The following ADGRV1 variants were observed in gnomAD, a reference collection of about 807,000 sequenced individuals.
ADGRV1 encodes the protein adhesion G protein-coupled receptor V1.
ADGRV1 carries 359 observed loss-of-function variants against 596.2 expected under a neutral mutation model. That is an observed-to-expected ratio of 0.60 (90% CI 0.55 to 0.66). The LOEUF is 0.66. ADGRV1 is among the 30% of genes least tolerant of loss of function. The probability of loss-of-function intolerance (pLI) is 0.00; values close to 1 mark genes in which losing one functional copy is unlikely to be tolerated. For missense variants in ADGRV1, 7,274 were observed against 7,575.6 expected (o/e 0.96, Z 1.48); for synonymous variants, 2,681 against 2,679.2 (o/e 1.00, Z -0.02).
At chr5:90,920,731 A>G (rs1581514644) in intron 83 of ADGRV1, among the ~76,000 whole-genome samples, 2 of 152,318 alleles carry the variant, frequency 1.3e-5, no homozygotes, top group African/African-American at 2.4e-5. Flanking sequence ...AGTGAATAGC[A>G]CAACAAAAAT....
intron 88 of ADGRV1, 35 bp downstream of exon 88, chr5:91,150,256 T>A: frequency 7.0e-7 from 1 of 1,422,316 alleles, no homozygotes; most frequent in Admixed American, 2.5e-5. Flanking sequence ...TCTGTCTCTC[T>A]GTCTCTGTCT....
At chr5:90,951,040 TA>T (rs1407842854) in intron 83 of ADGRV1, among the ~76,000 whole-genome samples, 1 of 152,142 alleles carries the variant, frequency 6.6e-6, no homozygotes, top group Non-Finnish European at 1.5e-5. Context: ...GGTGAAAACA[TA>T]AAAACAATAG....
At chr5:91,108,424 T>G (rs1792077640) in intron 87 of ADGRV1, among the ~76,000 whole-genome samples, 1 of 152,116 alleles carries the variant, frequency 6.6e-6, no homozygotes, top group Non-Finnish European at 1.5e-5. Context: ...ATTACTGACT[T>G]ACTTTTTATC....
Position 91,135,134 on chromosome 5 carries a change from G to A in ADGRV1, c.18433-14896G>A, listed in dbSNP as rs994546506. Among the ~76,000 whole-genome samples the A allele has an allele frequency of 6.7e-5, 10 of 148,936 alleles. No individual in the cohort carries two copies. The South Asian group carries it at 1.5e-3, about 22-fold the overall frequency. On this transcript the variant is annotated intron_variant, in intron 87 of 89. Coordinates refer to ENST00000405460, the MANE Select transcript of ADGRV1 (RefSeq NM_032119.4). ...GGAGAGGTTGCAGTGAACCAAGATC[G>A]TGCCACTGCACTCCAGCCTGGGAGA...
rs147283194 is a variant in ADGRV1, at chr5:91,013,097, A to G, written c.18152+27575A>G. ...GGCTATATAGTATTCCATGGTGTAT[A>G]TGTATCACATTTTCTTTATCCAATC... On this transcript the variant is annotated intron_variant, in intron 85 of 89. Coordinates refer to ENST00000405460, the MANE Select transcript of ADGRV1 (RefSeq NM_032119.4). Among the ~76,000 whole-genome samples, 378 of 152,184 alleles carry G rather than the reference A, an allele frequency of 2.5e-3. 1 individual carries two copies. The highest frequency in any genetic ancestry group is 0.01 in the Middle Eastern group (3 of 294).
chr5:90,685,753 G>C, intron 28 of ADGRV1, 27 bp from the exon 29 acceptor site: 1 of 1,563,962 alleles, frequency 6.4e-7, no homozygotes, highest in Non-Finnish European at 8.7e-7. Flanking sequence ...AGCTTTCTGT[G>C]TTCTGTGTGG....
At chr5:91,126,097 G>A (rs1223623770) in intron 87 of ADGRV1, among the ~76,000 whole-genome samples, 1 of 152,252 alleles carries the variant, frequency 6.6e-6, no homozygotes, top group Non-Finnish European at 1.5e-5. Flanking sequence ...ATTGCCTGGG[G>A]CAGTTCCCTA....
rs537559392 is a variant in ADGRV1 at position 91,157,461 on chromosome 5, T to A, written c.18802+4063T>A. 4.0e-3 allele frequency among the ~76,000 whole-genome samples: 603 copies of A among 152,254 alleles called. 2 individuals carry two copies. Among genetic ancestry groups the A allele is most frequent in the African/African-American group, 0.014 (578 of 41,560 alleles). On this transcript the variant is annotated intron_variant, in intron 89 of 89. Coordinates refer to ENST00000405460, the MANE Select transcript of ADGRV1 (RefSeq NM_032119.4). The stretch of plus-strand genomic sequence containing the variant: ...TTAAATATGTGAACAGGCTTTTTTT[T>A]ATAATTGGAAATTTGACATCACTTT...
chr5:90,624,487 C>G (rs1442181898), intron 5 of ADGRV1, among the ~76,000 whole-genome samples: 2 of 152,058 alleles, frequency 1.3e-5, no homozygotes, highest in Non-Finnish European at 2.9e-5. Context: ...TTGCCATATA[C>G]TGTTGTAAGT....
Position 90,754,990 on chromosome 5 carries a change from C to T in ADGRV1, c.11385C>T (p.Thr3795=), listed in dbSNP as rs535263649. Residue 3795 remains threonine, a synonymous_variant, in exon 55 of 90, where the codon ACC becomes ACT. Transcript: ENST00000405460. Reference sequence around the variant, plus strand: ...GGCATGTTTCTCTCACAGAAAACACCACCACTCTTCAGTTACAAATAGCTC... The same window carrying T: ...GGCATGTTTCTCTCACAGAAAACACTACCACTCTTCAGTTACAAATAGCTC... ...FIRVAEPKEN[T]TTLQLQIARD... The T allele has an allele frequency of 1.9e-6, 3 of 1,610,628 alleles. No individual in the cohort carries two copies. The African/African-American group carries it at 4.0e-5, about 22-fold the overall frequency.
At chr5:90,701,048 T>G (rs1435915991) in intron 34 of ADGRV1, among the ~76,000 whole-genome samples, 2 of 152,120 alleles carry the variant, frequency 1.3e-5, no homozygotes, top group East Asian at 3.9e-4. Flanking sequence ...CTAGACACCA[T>G]GTAACAGATC....
chr5:90,739,740 G>T (rs1753719517), intron 50 of ADGRV1, among the ~76,000 whole-genome samples: 1 of 152,206 alleles, frequency 6.6e-6, no homozygotes. Flanking sequence ...CACCTACTTG[G>T]CTGGGAGGCT....
At chr5:90,844,617 A>G (rs1457167865) in intron 78 of ADGRV1, among the ~76,000 whole-genome samples, 1 of 152,224 alleles carries the variant, frequency 6.6e-6, no homozygotes, top group African/African-American at 2.4e-5. Context: ...CTGATATGCT[A>G]ACTTTCAATT....
intron 5 of ADGRV1, among the ~76,000 whole-genome samples, chr5:90,624,054 A>G (rs775516971): frequency 1.3e-5 from 2 of 152,198 alleles, no homozygotes; most frequent in Non-Finnish European, 2.9e-5. Context: ...TGTAATATCA[A>G]TAAAATGGAA....
At chr5:90,612,061 A>G (rs1206142831) in intron 1 of ADGRV1, among the ~76,000 whole-genome samples, 1 of 152,042 alleles carries the variant, frequency 6.6e-6, no homozygotes, top group East Asian at 1.9e-4. Flanking sequence ...ATTTCCAATC[A>G]TGCCTGTGTG....
At chr5:90,659,688 A>G (rs1769954932) in intron 21 of ADGRV1, among the ~76,000 whole-genome samples, 1 of 151,986 alleles carries the variant, frequency 6.6e-6, no homozygotes, top group Admixed American at 6.5e-5. Context: ...TTTCTGTTAC[A>G]CACATGTATA....
intron 83 of ADGRV1, among the ~76,000 whole-genome samples, chr5:90,869,470 T>C (rs1156670389): frequency 6.6e-6 from 1 of 152,006 alleles, no homozygotes; most frequent in Non-Finnish European, 1.5e-5. Context: ...GATCTGGCAA[T>C]GAAGGATTAA....
intron 21 of ADGRV1, among the ~76,000 whole-genome samples, chr5:90,663,013 G>T (rs1359003903): frequency 6.7e-6 from 1 of 148,916 alleles, no homozygotes; most frequent in Non-Finnish European, 1.5e-5. Flanking sequence ...GTCTATCATT[G>T]TTGGACATTT....
Position 91,150,237 on chromosome 5 carries a change from C to G in ADGRV1, c.18624+16C>G. 1 of 1,498,312 alleles carries G rather than the reference C, an allele frequency of 6.7e-7. No homozygotes were observed. The highest frequency in any genetic ancestry group is 8.9e-7 in the Non-Finnish European group (1 of 1,120,260). The allele number at this position is 1,498,312 out of a possible 1,614,324, so 92.8% of individuals were successfully genotyped here. ...TATGGAGGAGGTGTCTGCCCTTGCCCTTTCATTCTCTGTCTCTCTGTCTCT... is the reference window on the plus strand; with the variant it reads ...TATGGAGGAGGTGTCTGCCCTTGCCGTTTCATTCTCTGTCTCTCTGTCTCT... On this transcript the variant is annotated intron_variant, in intron 88 of 89. Transcript: ENST00000405460.
Sources: gnomAD v4.1 joint callset for allele counts (sites outside exome capture counted in the v4.1 genomes callset) on GRCh38, gnomAD v4.1.1 for gene constraint, MANE v1.5 for transcripts, NCBI Gene and HGNC (gene_info 2026-07-23, HGNC 2026-07-21) for gene names.